The following ARRDC5 variants were observed in gnomAD, a reference collection of about 807,000 sequenced individuals.
The protein encoded by ARRDC5 is arrestin domain containing 5.
In ARRDC5, 12 loss-of-function variants were observed where a neutral mutation model predicts 13.3. That is an observed-to-expected ratio of 0.90 (90% CI 0.58 to 1.46). The LOEUF is 1.46. Ranked by LOEUF, ARRDC5 falls within the 40% of genes most tolerant of loss-of-function variation. ARRDC5 has a pLI of 0.00. For synonymous variants in ARRDC5, 181 were observed against 173.4 expected, an observed-to-expected ratio of 1.04 and a Z score of -0.34; for missense variants, 406 against 418.7, an observed-to-expected ratio of 0.97 and a Z score of 0.26.
intron 1 of ARRDC5, among the ~76,000 whole-genome samples, chr19:4,901,049 A>G (rs1248513378): frequency 6.6e-6 from 1 of 151,778 alleles, no homozygotes; most frequent in Non-Finnish European, 1.5e-5. Context: ...TTCTTTTTTT[A>G]AGAGACAGTC....
chr19:4,900,362 C>T lies in ARRDC5; in HGVS notation c.253+2211G>A, dbSNP rs182015421. 7.9e-5 allele frequency among the ~76,000 whole-genome samples: 12 copies of T among 151,406 alleles called. No individual in the cohort carries two copies. The East Asian group carries it at 2.2e-3, about 27-fold the overall frequency. On this transcript the variant is annotated intron_variant, in intron 1 of 2. Coordinates refer to ENST00000650722, the MANE Select transcript of ARRDC5 (RefSeq NM_001080523.3). ...TGAACTCTTGTCCTCTGGTGATCTG[C>T]CCACCTTGGCCTCCCAAAGTGCTGG...
the ARRDC5 span, among the ~76,000 whole-genome samples, chr19:4,908,100 T>C: frequency 6.6e-6 from 1 of 152,194 alleles, no homozygotes; most frequent in Non-Finnish European, 1.5e-5. Flanking sequence ...ATTAGGACCT[T>C]TTAAGGACAT....
At chr19:4,915,277 G>A in the ARRDC5 span, among the ~76,000 whole-genome samples, 10 of 152,128 alleles carry the variant, frequency 6.6e-5, no homozygotes, top group African/African-American at 2.2e-4. Flanking sequence ...CACCCACTGC[G>A]GCATCCCTCC....
At chr19:4,908,539 C>T in the ARRDC5 span, among the ~76,000 whole-genome samples, 73 of 152,052 alleles carry the variant, frequency 4.8e-4, no homozygotes, top group Admixed American at 8.5e-4. Flanking sequence ...AAGCCTTTTC[C>T]GGCCTCTGGG....
chr19:4,905,108 CTTTTTTTTTTTTTT>C (rs61443004), upstream of ARRDC5, among the ~76,000 whole-genome samples: 390 of 95,186 alleles, frequency 4.1e-3, 2 homozygotes, highest in South Asian at 0.046. Flanking sequence ...CGTAAACTTT[CTTTTTTTTTTTTTT>C]TTTTTTTTTT....
At chr19:4,906,175 C>T (rs995974780), upstream of ARRDC5, among the ~76,000 whole-genome samples, 15 of 152,076 alleles carry the variant, frequency 9.9e-5, no homozygotes, top group South Asian at 2.1e-4. Context: ...GAAGGGTTCT[C>T]ACTACGTTGC....
intron 1 of ARRDC5, among the ~76,000 whole-genome samples, chr19:4,898,771 C>T (rs934912768): frequency 6.8e-6 from 1 of 147,736 alleles, no homozygotes. Flanking sequence ...GGACTACAGG[C>T]GCGTGTCACC....
chr19:4,892,043 A>G (rs908363057), intron 2 of ARRDC5, among the ~76,000 whole-genome samples: 2 of 151,528 alleles, frequency 1.3e-5, no homozygotes, highest in African/African-American at 4.8e-5. Context: ...TTTTGCAGTC[A>G]AAAACCTGGA....
the ARRDC5 span, among the ~76,000 whole-genome samples, chr19:4,915,003 G>A: frequency 6.6e-6 from 1 of 152,218 alleles, no homozygotes; most frequent in Non-Finnish European, 1.5e-5. Flanking sequence ...ACTGCAGGGT[G>A]CGGAGCAGCG....
At chr19:4,894,944 T>C (rs73530764) in intron 2 of ARRDC5, among the ~76,000 whole-genome samples, 1,877 of 152,194 alleles carry the variant, frequency 0.012, 34 homozygotes, top group African/African-American at 0.043. Flanking sequence ...GGTTACATTG[T>C]AAATCCCTGC....
rs1407717173 is a variant in ARRDC5 at position 4,896,348 on chromosome 19, A to ATATAT, written c.459+322_459+323insATATA. ...AAAAAAAATATATATATATATATAT[A>ATATAT]TTTTTTTTTTTTTACACACACACAC... On this transcript the variant is annotated intron_variant, in intron 2 of 2. Transcript: ENST00000650722. 4.0e-4 allele frequency among the ~76,000 whole-genome samples: 24 copies of ATATAT among 59,590 alleles called. 1 individual carries two copies. The highest frequency in any genetic ancestry group is 1.5e-3 in the African/African-American group (23 of 15,700). The allele number at this position is 59,590 out of a possible 152,430, so 39.1% of individuals were successfully genotyped here. A position where few individuals can be genotyped will look rare whatever the true frequency, so the allele number is the denominator to read the frequency against.
At chr19:4,898,266 C>A (rs980616019) in intron 1 of ARRDC5, among the ~76,000 whole-genome samples, 10 of 152,128 alleles carry the variant, frequency 6.6e-5, no homozygotes, top group African/African-American at 2.4e-4. Context: ...ACCTTTGTTT[C>A]ATTTTCCTTC....
chr19:4,904,839 C>T (rs568894670), upstream of ARRDC5, among the ~76,000 whole-genome samples: 7 of 152,326 alleles, frequency 4.6e-5, no homozygotes, highest in Non-Finnish European at 8.8e-5. Context: ...AAGCCCTTTG[C>T]ACTCTAACAA....
At chr19:4,907,394 G>A (rs1356654701), upstream of ARRDC5, among the ~76,000 whole-genome samples, 5 of 151,966 alleles carry the variant, frequency 3.3e-5, no homozygotes, top group African/African-American at 1.2e-4. Flanking sequence ...TCAGCTTCCC[G>A]AGTAGCTGGG....
intron 1 of ARRDC5, among the ~76,000 whole-genome samples, chr19:4,901,871 C>T (rs376218226): frequency 4.6e-4 from 70 of 152,040 alleles, no homozygotes; most frequent in African/African-American, 1.6e-3. Flanking sequence ...GAAGGTCTCC[C>T]TTGCTCTTCT....
chr19:4,902,279 T>A (rs1880965266), intron 1 of ARRDC5, among the ~76,000 whole-genome samples: 1 of 152,250 alleles, frequency 6.6e-6, no homozygotes, highest in South Asian at 2.1e-4. Flanking sequence ...TGTAAAAGAA[T>A]AAGACTTCTC....
At chr19:4,905,114 T>C (rs1381732313), upstream of ARRDC5, among the ~76,000 whole-genome samples, 13 of 137,838 alleles carry the variant, frequency 9.4e-5, no homozygotes, top group Non-Finnish European at 1.7e-4. Flanking sequence ...CTTTCTTTTT[T>C]TTTTTTTTTT....
chr19:4,911,387 A>C, the ARRDC5 span, among the ~76,000 whole-genome samples: 3 of 152,162 alleles, frequency 2.0e-5, no homozygotes, highest in African/African-American at 7.2e-5. Context: ...AGGGCCCAGG[A>C]CCATCTGGTA....
chr19:4,893,886 C>CAA (rs35680888), intron 2 of ARRDC5, among the ~76,000 whole-genome samples: 2 of 140,084 alleles, frequency 1.4e-5, no homozygotes, highest in Non-Finnish European at 3.1e-5. Flanking sequence ...ACTAAAAATA[C>CAA]AAAAAAAAAA....
Sources: gnomAD v4.1 joint callset for allele counts (sites outside exome capture counted in the v4.1 genomes callset) on GRCh38, gnomAD v4.1.1 for gene constraint, MANE v1.5 for transcripts, NCBI Gene and HGNC (gene_info 2026-07-23, HGNC 2026-07-21) for gene names.